The following PDZRN3 variants were observed in gnomAD, a reference collection of about 807,000 sequenced individuals.
PDZRN3 encodes the protein PDZ domain containing ring finger 3, also known as E3 ubiquitin-protein ligase PDZRN3.
Under a neutral mutation model 85.7 loss-of-function variants are expected in PDZRN3, and 38 were observed. The observed-to-expected ratio is 0.44, with a 90% CI of 0.34 to 0.58. PDZRN3 has a LOEUF of 0.58. PDZRN3 is among the 20% of genes least tolerant of loss of function. The pLI is 0.01. For synonymous variants in PDZRN3, 759 were observed against 638.0 expected (o/e 1.19, Z -2.86); for missense variants, 1,629 against 1,506.4 (o/e 1.08, Z -1.35).
At chr3:73,545,317 G>C (rs1701398455) in intron 3 of PDZRN3, among the ~76,000 whole-genome samples, 1 of 152,212 alleles carries the variant, frequency 6.6e-6, no homozygotes, top group South Asian at 2.1e-4. Context: ...ATAATCTGCG[G>C]ATCAGAGGGT....
intron 3 of PDZRN3, among the ~76,000 whole-genome samples, chr3:73,587,011 T>G (rs1320526284): frequency 1.3e-5 from 2 of 152,234 alleles, no homozygotes; most frequent in Admixed American, 1.3e-4. Context: ...TTGACTCCAT[T>G]GTTTTTGCAA....
intron 3 of PDZRN3, among the ~76,000 whole-genome samples, chr3:73,446,655 C>T (rs191973524): frequency 9.9e-5 from 15 of 152,210 alleles, no homozygotes; most frequent in Admixed American, 9.8e-4. Flanking sequence ...CTGGCGGGGA[C>T]AGAGAGCAAC....
chr3:73,587,394 T>C (rs977578883), intron 3 of PDZRN3, among the ~76,000 whole-genome samples: 2 of 152,206 alleles, frequency 1.3e-5, no homozygotes, highest in Non-Finnish European at 2.9e-5. Context: ...GAATACTCTT[T>C]CAAAGAACAG....
chr3:73,426,946 A>T (rs1311627649), intron 3 of PDZRN3, among the ~76,000 whole-genome samples: 1 of 152,150 alleles, frequency 6.6e-6, no homozygotes, highest in Non-Finnish European at 1.5e-5. Flanking sequence ...TCAAATCAAG[A>T]CCAGCATGCA....
chr3:73,576,865 A>G (rs750897889), intron 3 of PDZRN3, among the ~76,000 whole-genome samples: 11 of 152,158 alleles, frequency 7.2e-5, no homozygotes, highest in Non-Finnish European at 1.3e-4. Flanking sequence ...TGGAGAAACA[A>G]TGAGACTAAA....
At chr3:73,570,117 T>C (rs900348565) in intron 3 of PDZRN3, among the ~76,000 whole-genome samples, 3 of 152,188 alleles carry the variant, frequency 2.0e-5, no homozygotes, top group African/African-American at 7.2e-5. Context: ...CCTGGCTCTG[T>C]CCTACTAGGA....
intron 3 of PDZRN3, among the ~76,000 whole-genome samples, chr3:73,432,300 GC>G (rs1208280310): frequency 1.3e-5 from 2 of 150,698 alleles, no homozygotes; most frequent in East Asian, 3.9e-4. Context: ...AAGCGCTTTT[GC>G]CCGAGATCTC....
chr3:73,500,772 C>A (rs1351016604), intron 3 of PDZRN3, among the ~76,000 whole-genome samples: 1 of 152,154 alleles, frequency 6.6e-6, no homozygotes, highest in Non-Finnish European at 1.5e-5. Flanking sequence ...CTCTGTCCAC[C>A]ACACCAATGC....
intron 3 of PDZRN3, among the ~76,000 whole-genome samples, chr3:73,521,206 C>T (rs1704355534): frequency 1.3e-5 from 2 of 152,266 alleles, no homozygotes; most frequent in South Asian, 4.1e-4. Context: ...GTTGTGCGTG[C>T]CACTCCGTCA....
At chr3:73,435,672 C>T (rs902187759) in intron 3 of PDZRN3, among the ~76,000 whole-genome samples, 1 of 152,146 alleles carries the variant, frequency 6.6e-6, no homozygotes, top group Non-Finnish European at 1.5e-5. Context: ...TGCCTATTGC[C>T]CTTGCACACC....
intron 3 of PDZRN3, chr3:73,569,032 A>T: frequency 2.2e-6 from 1 of 452,206 alleles, no homozygotes; most frequent in Non-Finnish European, 4.2e-6. Flanking sequence ...CCATTTCTAG[A>T]TGAAAAAACT....
chr3:73,479,878 G>A lies in PDZRN3; in HGVS notation c.919-75483C>T, dbSNP rs144675225. Among the ~76,000 whole-genome samples the A allele has an allele frequency of 5.3e-4, 81 of 152,216 alleles. No individual in the cohort carries two copies. In the East Asian group the frequency reaches 0.014, roughly 26 times the overall value. On this transcript the variant is annotated intron_variant, in intron 3 of 9. Transcript: ENST00000263666. ...GTAAAACTAAACATGTATGAGTTGC[G>A]GGGGGCGGGGGTAGATGATGAGGGG...
chr3:73,570,327 C>G (rs770897243), intron 3 of PDZRN3, among the ~76,000 whole-genome samples: 1 of 152,184 alleles, frequency 6.6e-6, no homozygotes, highest in African/African-American at 2.4e-5. Flanking sequence ...CGAATGTTAA[C>G]AAAATGTGAG....
At chr3:73,500,929 C>A (rs1323986056) in intron 3 of PDZRN3, among the ~76,000 whole-genome samples, 1 of 151,478 alleles carries the variant, frequency 6.6e-6, no homozygotes, top group Admixed American at 6.6e-5. Context: ...CTTTTTTTTT[C>A]TTACTTGGTG....
chr3:73,537,391 T>G (rs1704812663), intron 3 of PDZRN3, among the ~76,000 whole-genome samples: 1 of 152,230 alleles, frequency 6.6e-6, no homozygotes, highest in Non-Finnish European at 1.5e-5. Flanking sequence ...GGTTGTTTGT[T>G]ACAGCAGTTA....
At chr3:73,417,326 G>T (rs1702112365) in intron 3 of PDZRN3, among the ~76,000 whole-genome samples, 1 of 152,194 alleles carries the variant, frequency 6.6e-6, no homozygotes, top group African/African-American at 2.4e-5. Flanking sequence ...ATAGAAGCCT[G>T]CAGTTAGCAG....
intron 1 of PDZRN3, among the ~76,000 whole-genome samples, chr3:73,621,506 G>A (rs1158773809): frequency 2.6e-5 from 4 of 152,136 alleles, no homozygotes; most frequent in East Asian, 3.9e-4. Context: ...GCAGAGAGCC[G>A]GCCCAATGAA....
chr3:73,571,825 TG>T (rs1398919460), intron 3 of PDZRN3, among the ~76,000 whole-genome samples: 1 of 152,166 alleles, frequency 6.6e-6, no homozygotes, highest in Admixed American at 6.5e-5. Context: ...GAAGCTGGTG[TG>T]GTCACAAATG....
At chr3:73,393,414 G>C (rs1701569009) in intron 5 of PDZRN3, among the ~76,000 whole-genome samples, 1 of 152,172 alleles carries the variant, frequency 6.6e-6, no homozygotes, top group African/African-American at 2.4e-5. Context: ...CAGAAATTGA[G>C]GGAAGTGTTC....
Sources: gnomAD v4.1 joint callset for allele counts (sites outside exome capture counted in the v4.1 genomes callset) on GRCh38, gnomAD v4.1.1 for gene constraint, MANE v1.5 for transcripts, NCBI Gene and HGNC (gene_info 2026-07-23, HGNC 2026-07-21) for gene names.